Variants in CPLANE1 observed in about 807,000 individuals in gnomAD.
CPLANE1 encodes the protein ciliogenesis and planar polarity effector complex subunit 1.
In CPLANE1, 263 loss-of-function variants were observed where a neutral mutation model predicts 362.5. The ratio of observed to expected loss-of-function variants is 0.73; its 90% confidence interval spans 0.66 to 0.80. CPLANE1 has a LOEUF of 0.80. CPLANE1 is among the 30% of genes least tolerant of loss of function. The pLI is 0.00. For synonymous variants in CPLANE1, 1,212 were observed against 1,302.6 expected, an observed-to-expected ratio of 0.93 and a Z score of 1.50; for missense variants, 3,461 against 3,793.4, an observed-to-expected ratio of 0.91 and a Z score of 2.30.
chr5:37,201,764 G>T lies in CPLANE1; in HGVS notation c.3334C>A (p.Gln1112Lys), dbSNP rs538177758. 6.2e-7 allele frequency: 1 copy of T among 1,613,894 alleles called. No individual in the cohort carries two copies. Among genetic ancestry groups the T allele is most frequent in the East Asian group, 2.2e-5 (1 of 44,870 alleles). Residue 1112 changes from glutamine (Q) to lysine (K), a missense_variant, in exon 19 of 53, where the codon CAA becomes AAA. By Grantham distance (53) the Gln-to-Lys change is moderately conservative. Around this residue, in one of 2 missense-constraint regions of CPLANE1, gnomAD observed 3,380 missense variants for 3,666.1 expected, o/e 0.92. Coordinates refer to ENST00000651892, the MANE Select transcript of CPLANE1 (RefSeq NM_001384732.1). ...EDANLLFGSVQEVLKASVMAD... is the reference protein window; with the variant it reads ...EDANLLFGSVKEVLKASVMAD... ...ATAACTGATGCTTTCAGTACTTCTT[G>T]TACTGAACCAAATAGCAGATTTGCA... is the stretch of plus-strand genomic sequence containing the variant.
At chr5:37,133,471 TGA>T (rs1766596759) in intron 46 of CPLANE1, among the ~76,000 whole-genome samples, 1 of 151,728 alleles carries the variant, frequency 6.6e-6, no homozygotes, top group Admixed American at 6.6e-5. Flanking sequence ...TTCTCCTTGC[TGA>T]GATCTCTCAC....
intron 8 of CPLANE1, 35 bp downstream of exon 8, chr5:37,238,814 TAAAAGAAA>T: frequency 6.6e-6 from 8 of 1,207,688 alleles, no homozygotes; most frequent in East Asian, 2.6e-5. Flanking sequence ...CCATCTCTTT[TAAAAGAAA>T]AAAAGAAAAA....
intron 9 of CPLANE1, among the ~76,000 whole-genome samples, chr5:37,228,518 C>A (rs1796957187): frequency 6.6e-6 from 1 of 151,780 alleles, no homozygotes; most frequent in Non-Finnish European, 1.5e-5. Context: ...TTCTGTAGAA[C>A]CATTAAAAAT....
chr5:37,128,454 C>T (rs557457189), intron 46 of CPLANE1, among the ~76,000 whole-genome samples: 1 of 152,198 alleles, frequency 6.6e-6, no homozygotes, highest in African/African-American at 2.4e-5. Flanking sequence ...GACCTGAATG[C>T]ATGTATCACT....
At chr5:37,119,522 T>C (rs1010901288) in intron 50 of CPLANE1, among the ~76,000 whole-genome samples, 8 of 151,574 alleles carry the variant, frequency 5.3e-5, no homozygotes, top group African/African-American at 1.5e-4. Context: ...AATACAAAAT[T>C]AGCCAGGTAT....
intron 19 of CPLANE1, among the ~76,000 whole-genome samples, chr5:37,199,995 T>A (rs1253224761): frequency 6.6e-6 from 1 of 152,230 alleles, no homozygotes; most frequent in Non-Finnish European, 1.5e-5. Context: ...CCCATGGACA[T>A]GGACAAGGCA....
rs1345711681 is a variant in CPLANE1 at position 37,198,860 on chromosome 5, C to T, written c.3514G>A (p.Gly1172Ser). 1.9e-6 allele frequency: 3 copies of T among 1,613,298 alleles called. No homozygotes were observed. The highest frequency in any genetic ancestry group is 1.6e-4 in the Middle Eastern group (1 of 6,084). The change falls in exon 20 of 53, where the codon GGT becomes AGT. Residue 1172 changes from glycine (G) to serine (S), a missense_variant. By Grantham distance (56) the Gly-to-Ser change is moderately conservative. Around this residue, in one of 2 missense-constraint regions of CPLANE1, gnomAD observed 3,380 missense variants for 3,666.1 expected, o/e 0.92. Transcript: ENST00000651892. ...TCAGCTTTTAAAAGAAGATCATCAC[C>T]ATCTTCCTGAGGAAAATAAAACAAT... ...PQPAILSEED[G>S]DDLLLKAEKN...
intron 4 of CPLANE1, among the ~76,000 whole-genome samples, chr5:37,244,892 A>T (rs753902225): frequency 1.3e-5 from 2 of 151,932 alleles, no homozygotes; most frequent in African/African-American, 2.4e-5. Flanking sequence ...ACAGAACAAG[A>T]TCCTGTCTCT....
chr5:37,167,241 T>C (rs1323552079), intron 34 of CPLANE1, 28 bp from the exon 35 acceptor site: 2 of 1,562,662 alleles, frequency 1.3e-6, no homozygotes, highest in Non-Finnish European at 1.7e-6. Context: ...AGCATAAGAA[T>C]GACAAATTGC....
intron 46 of CPLANE1, among the ~76,000 whole-genome samples, chr5:37,135,928 T>C (rs1398865202): frequency 1.3e-5 from 2 of 152,088 alleles, no homozygotes; most frequent in African/African-American, 4.8e-5. Context: ...GATTAAATTA[T>C]CTCCACCAAC....
chr5:37,152,875 C>T (rs548276403), intron 42 of CPLANE1, among the ~76,000 whole-genome samples: 1 of 151,688 alleles, frequency 6.6e-6, no homozygotes, highest in East Asian at 1.9e-4. Flanking sequence ...GATAACAGAG[C>T]AAGACTATGA....
Position 37,120,252 on chromosome 5 carries a change from A to G in CPLANE1, c.9274T>C (p.Ser3092Pro), listed in dbSNP as rs2150066125. Residue 3092 changes from serine to proline, a missense_variant, in exon 50 of 53, where the codon TCT (serine) becomes CCT (proline). Ser to Pro is a moderately conservative substitution (Grantham distance 74, BLOSUM62 -1). Around this residue, in one of 2 missense-constraint regions of CPLANE1, gnomAD observed 3,380 missense variants for 3,666.1 expected, o/e 0.92. Coordinates refer to ENST00000651892, the MANE Select transcript of CPLANE1 (RefSeq NM_001384732.1). ...GGTGAGCCTTGAGGTTGCCCAAAAG[A>G]CTTCCTCTTATGGATATAACTCGGT... ...SKPSYIHKRK[S>P]FGQPQGSPWP... is the part of the protein sequence containing the mutation. The G allele has an allele frequency of 6.2e-7, 1 of 1,604,126 alleles. No individual in the cohort carries two copies. The highest frequency in any genetic ancestry group is 1.7e-4 in the Middle Eastern group (1 of 6,042).
At chr5:37,217,664 G>A (rs1418497606) in intron 15 of CPLANE1, among the ~76,000 whole-genome samples, 1 of 148,790 alleles carries the variant, frequency 6.7e-6, no homozygotes, top group Non-Finnish European at 1.5e-5. Context: ...TTCTGTATAG[G>A]GTGCAGTGCT....
rs757880459 is a variant in CPLANE1 at position 37,180,194 on chromosome 5, T to C, written c.5571-11A>G. The C allele has an allele frequency of 4.2e-6, 6 of 1,441,358 alleles. No individual in the cohort carries two copies. In the Admixed American group the frequency reaches 1.3e-4, roughly 32 times the overall value. 89.3% of individuals were successfully genotyped at this position (1,441,358 alleles called of 1,614,324 possible). A position where few individuals can be genotyped will look rare whatever the true frequency, so the allele number is the denominator to read the frequency against. Reference sequence around the variant, plus strand: ...TCAGTTGGCATTCTACTGAAAAAAATGCAGCAACTAAAATTACAACTATTC... The same window carrying C: ...TCAGTTGGCATTCTACTGAAAAAAACGCAGCAACTAAAATTACAACTATTC... On this transcript the variant is annotated splice_polypyrimidine_tract_variant and intron_variant, in intron 27 of 52. Transcript: ENST00000651892.
intron 31 of CPLANE1, 48 bp downstream of exon 31, chr5:37,175,861 T>G (rs754633107): frequency 7.7e-7 from 1 of 1,305,958 alleles, no homozygotes; most frequent in Non-Finnish European, 1.1e-6. Context: ...CTCTGTGATT[T>G]GTAAAACACA....
At chr5:37,107,812 C>A (rs1237711439) in intron 52 of CPLANE1, 34 bp from the exon 53 acceptor site, 3 of 1,510,708 alleles carry the variant, frequency 2.0e-6, no homozygotes, top group Non-Finnish European at 2.7e-6. Flanking sequence ...TGGTCCTAGC[C>A]CCTAAAAACA....
rs755588483 is a variant in CPLANE1, at chr5:37,173,854, T to A, written c.6072A>T (p.Thr2024=). 19 of 1,614,042 alleles carry A rather than the reference T, an allele frequency of 1.2e-5. No homozygotes were observed. The highest frequency in any genetic ancestry group is 1.6e-5 in the Non-Finnish European group (19 of 1,180,026). ...ATTCATTTCTCTGGGTCTTCTGAGG[T>A]GTTGGAGCAGGTGGTTGTGAAGCAA... is the stretch of plus-strand genomic sequence containing the variant. ...VNVASQPPAP[T]PQKTQRNEFT... The change falls in exon 32 of 53, where the codon ACA becomes ACT. Residue 2024 remains threonine, a synonymous_variant. Transcript: ENST00000651892.
chr5:37,122,664 C>T (rs1351045272), intron 47 of CPLANE1, among the ~76,000 whole-genome samples, 176 bp from the exon 48 acceptor site: 1 of 152,026 alleles, frequency 6.6e-6, no homozygotes, highest in Non-Finnish European at 1.5e-5. Flanking sequence ...AAAGTAAAAA[C>T]CAATTTAGGG....
rs149569050 is a variant in CPLANE1, at chr5:37,206,521, C to CA, written c.2921-97dup. ...TTATCTCTTCAATCAGTATTATCTACAAAAAACCACCAGGAAGATACATAC... is the reference window on the plus strand; with the variant it reads ...TTATCTCTTCAATCAGTATTATCTACAAAAAAACCACCAGGAAGATACATAC... On this transcript the variant is annotated intron_variant, in intron 16 of 52. Coordinates refer to ENST00000651892, the MANE Select transcript of CPLANE1 (RefSeq NM_001384732.1). 13,584 of 760,220 alleles carry CA rather than the reference C, an allele frequency of 0.018. 922 individuals carry two copies. Among genetic ancestry groups the CA allele is most frequent in the African/African-American group, 0.18 (9,993 of 56,944 alleles). The allele number at this position is 760,220 out of a possible 1,614,324, so 47.1% of individuals were successfully genotyped here. A position where few individuals can be genotyped will look rare whatever the true frequency, so the allele number is the denominator to read the frequency against.
Sources: allele counts gnomAD v4.1 joint callset (sites outside exome capture counted in the v4.1 genomes callset), GRCh38; gene constraint gnomAD v4.1.1; regional missense constraint gnomAD v4.1.1; transcripts MANE v1.5; gene names NCBI Gene and HGNC (gene_info 2026-07-23, HGNC 2026-07-21).